SP100: variants seen among roughly 807,000 people sequenced by gnomAD.
SP100 encodes nuclear autoantigen Sp-100.
SP100 carries 84 observed loss-of-function variants against 130.0 expected under a neutral mutation model. The ratio of observed to expected loss-of-function variants is 0.65; its 90% CI spans 0.54 to 0.77. SP100 has a LOEUF of 0.77. Among genes scored for constraint, SP100 ranks in the 30% least tolerant of loss-of-function variants. The pLI is 0.00. For missense variants in SP100, 978 were observed against 1,052.2 expected (o/e 0.93, Z 0.97); for synonymous variants, 331 against 351.7 (o/e 0.94, Z 0.66).
rs1345168564 is a variant in SP100 at position 230,508,037 on chromosome 2, G to T, written c.2052+6G>T. On this transcript the variant is annotated splice_donor_region_variant and intron_variant, in intron 23 of 28. Transcript: ENST00000340126. ...CACCAAGCACAAGAAAAAAGGTGAT[G>T]ATCAAGTGATCTTCTGCCAATGTCT... is the stretch of plus-strand genomic sequence containing the variant. The T allele has an allele frequency of 6.2e-7, 1 of 1,612,948 alleles. No individual in the cohort carries two copies. Among genetic ancestry groups the T allele is most frequent in the Non-Finnish European group, 8.5e-7 (1 of 1,179,478 alleles).
intron 18 of SP100, among the ~76,000 whole-genome samples, chr2:230,494,662 C>A (rs1043636530): frequency 2.6e-5 from 4 of 152,080 alleles, no homozygotes. Context: ...TCTAAGAGCC[C>A]AGAAGTGGTA....
At chr2:230,491,798 C>T (rs1385945547) in intron 17 of SP100, among the ~76,000 whole-genome samples, 2 of 152,204 alleles carry the variant, frequency 1.3e-5, no homozygotes, top group Admixed American at 6.5e-5. Context: ...AACCATATAA[C>T]GATACTTTCA....
At chr2:230,467,309 GC>G in intron 13 of SP100, 94 bp downstream of exon 13, 1 of 875,558 alleles carries the variant, frequency 1.1e-6, no homozygotes, top group Non-Finnish European at 1.9e-6. Flanking sequence ...CTATCCAGGA[GC>G]CAGTTCTCTG....
chr2:230,473,059 C>G, intron 15 of SP100: 1 of 302,298 alleles, frequency 3.3e-6, no homozygotes, highest in South Asian at 4.9e-5. Flanking sequence ...ATCTTTTTCC[C>G]TAAAACCAGC....
intron 24 of SP100, among the ~76,000 whole-genome samples, chr2:230,529,505 T>A (rs1361020044): frequency 2.0e-5 from 3 of 152,216 alleles, no homozygotes; most frequent in African/African-American, 7.2e-5. Flanking sequence ...AGCATTCCCT[T>A]TGAAAACCGG....
Position 230,464,110 on chromosome 2 carries a change from G to C in SP100, c.1101G>C (p.Glu367Asp), listed in dbSNP as rs1449028072. The change falls in exon 11 of 29, where the codon GAG (glutamate) becomes GAC (aspartate). Residue 367 changes from glutamate (E) to aspartate (D), a missense_variant. Glu to Asp is a conservative substitution (Grantham distance 45). Transcript: ENST00000340126. ...CTTTAGAATCAAATGATGAAAAGGA[G>C]GGCCAAGAAGCCACTTGCTCACGAC... ...DNPLESNDEK[E>D]GQEATCSRPQ... The C allele has an allele frequency of 1.9e-6, 3 of 1,613,322 alleles. No individual in the cohort carries two copies. The highest frequency in any genetic ancestry group is 2.2e-5 in the East Asian group (1 of 44,868).
At chr2:230,442,599 CT>C (rs777829926) in intron 2 of SP100, among the ~76,000 whole-genome samples, 31 of 152,078 alleles carry the variant, frequency 2.0e-4, no homozygotes, top group Non-Finnish European at 4.4e-4. Context: ...TTTCATTTCT[CT>C]GTGGATGACC....
chr2:230,534,211 T>C (rs1041264766), intron 24 of SP100, among the ~76,000 whole-genome samples: 4 of 152,036 alleles, frequency 2.6e-5, no homozygotes, highest in African/African-American at 7.2e-5. Context: ...ATTGAGACCA[T>C]CCTGGCTAAC....
intron 24 of SP100, among the ~76,000 whole-genome samples, chr2:230,529,395 C>A (rs993733894): frequency 6.6e-6 from 1 of 152,180 alleles, no homozygotes; most frequent in Non-Finnish European, 1.5e-5. Flanking sequence ...GCTAAAAACT[C>A]TCTCAATAAA....
At chr2:230,508,600 G>GA (rs1425052758) in intron 23 of SP100, 2 of 152,096 alleles carry the variant, frequency 1.3e-5, no homozygotes, top group East Asian at 3.9e-4. Flanking sequence ...TTACAGGCAT[G>GA]AGCCACCATG....
chr2:230,504,092 T>C (rs767920998), intron 20 of SP100, 94 bp from the exon 21 acceptor site: 4 of 660,876 alleles, frequency 6.1e-6, no homozygotes, highest in Non-Finnish European at 1.1e-5. Flanking sequence ...CCAATACATT[T>C]TGAATTATAA....
chr2:230,524,931 T>G (rs997697333), intron 24 of SP100, among the ~76,000 whole-genome samples: 15 of 152,168 alleles, frequency 9.9e-5, no homozygotes, highest in African/African-American at 3.6e-4. Flanking sequence ...AAAAGAATAA[T>G]TTTGTCTAAT....
chr2:230,456,311 C>A (rs2064273244), intron 8 of SP100, among the ~76,000 whole-genome samples: 1 of 152,118 alleles, frequency 6.6e-6, no homozygotes, highest in African/African-American at 2.4e-5. Flanking sequence ...ATGTTAGTTG[C>A]TTCTTTTCTT....
intron 19 of SP100, among the ~76,000 whole-genome samples, chr2:230,499,738 G>C (rs1575752874): frequency 6.6e-6 from 1 of 151,900 alleles, no homozygotes; most frequent in East Asian, 1.9e-4. Context: ...TGGCACCCTT[G>C]ACCCCGCTAG....
chr2:230,461,426 T>A lies in SP100; in HGVS notation c.973+12T>A, dbSNP rs750781218. ...ATCTGACATAATAGGTAAGGCTGAC[T>A]GGGAGAGTTTGTAACTGTGAGTCAC... On this transcript the variant is annotated intron_variant, in intron 9 of 28. Transcript: ENST00000340126. The A allele has an allele frequency of 1.4e-5, 23 of 1,613,542 alleles. No homozygotes were observed. Among genetic ancestry groups the A allele is most frequent in the Non-Finnish European group, 1.8e-5 (21 of 1,179,716 alleles).
At chr2:230,479,129 A>G (rs1003872408) in intron 17 of SP100, among the ~76,000 whole-genome samples, 3 of 152,170 alleles carry the variant, frequency 2.0e-5, no homozygotes, top group South Asian at 2.1e-4. Context: ...CCTAGGATGC[A>G]TATAGATTTT....
intron 15 of SP100, among the ~76,000 whole-genome samples, chr2:230,472,950 G>T (rs1364638195): frequency 1.3e-5 from 2 of 152,180 alleles, no homozygotes; most frequent in African/African-American, 4.8e-5. Flanking sequence ...TCATCCAAGT[G>T]TCAGAAGGCT....
chr2:230,503,152 T>A, intron 20 of SP100, 42 bp downstream of exon 20: 4 of 1,351,756 alleles, frequency 3.0e-6, no homozygotes, highest in Non-Finnish European at 3.1e-6. Context: ...ATTAAACATT[T>A]AATATTTAAT....
At chr2:230,528,381 A>T (rs550134629) in intron 24 of SP100, among the ~76,000 whole-genome samples, 1 of 152,386 alleles carries the variant, frequency 6.6e-6, no homozygotes, top group South Asian at 2.1e-4. Context: ...GAAACCAATG[A>T]GAACAAATAC....
Sources: allele counts gnomAD v4.1 joint callset (sites outside exome capture counted in the v4.1 genomes callset), GRCh38; gene constraint gnomAD v4.1.1; transcripts MANE v1.5; gene names NCBI Gene and HGNC (gene_info 2026-07-23, HGNC 2026-07-21).